The following HSPA12A variants were observed in gnomAD, a reference collection of about 807,000 sequenced individuals.
HSPA12A encodes heat shock protein family A (Hsp70) member 12A.
In HSPA12A, 28 loss-of-function variants were observed where a neutral mutation model predicts 69.2. The ratio of observed to expected loss-of-function variants is 0.40; its 90% CI spans 0.30 to 0.55. The LOEUF is 0.55. Among genes scored for constraint, HSPA12A ranks in the 20% least tolerant of loss-of-function variants. The pLI, the probability that HSPA12A is intolerant of heterozygous loss-of-function variation, is 0.38. For synonymous variants in HSPA12A, 345 were observed against 370.5 expected (o/e 0.93, Z 0.79); for missense variants, 686 against 900.7 (o/e 0.76, Z 3.05).
intron 2 of HSPA12A, among the ~76,000 whole-genome samples, chr10:116,752,189 G>A (rs991532632): frequency 6.6e-6 from 1 of 152,170 alleles, no homozygotes; most frequent in African/African-American, 2.4e-5. Context: ...GCTAGAAGGG[G>A]CAGAGCCAGG....
At chr10:116,679,368 A>T in intron 10 of HSPA12A, 135 bp downstream of exon 10, 1 of 995,774 alleles carries the variant, frequency 1.0e-6, no homozygotes, top group Non-Finnish European at 1.5e-6. Context: ...AGGGAAGAGA[A>T]GTTGAGTCCC....
chr10:116,689,323 G>A (rs1849667044), intron 6 of HSPA12A, among the ~76,000 whole-genome samples: 1 of 151,938 alleles, frequency 6.6e-6, no homozygotes, highest in South Asian at 2.1e-4. Context: ...CAGAGTAGAC[G>A]TGACCAGTTC....
At chr10:116,785,714 C>A (rs532162397) in intron 2 of HSPA12A, among the ~76,000 whole-genome samples, 1 of 152,270 alleles carries the variant, frequency 6.6e-6, no homozygotes, top group East Asian at 1.9e-4. Flanking sequence ...TATCCACCTG[C>A]CCTCTGAGCA....
chr10:116,672,013 A>G lies in HSPA12A; in HGVS notation c.*2768T>C, dbSNP rs1347038982. On this transcript the variant is annotated 3_prime_UTR_variant, in exon 12 of 12. Transcript: ENST00000369209. ...AAAATTATCATCCTCTCCATCACCTATCTGCCAACACTGCAGATTTCTATC... is the reference window on the plus strand; with the variant it reads ...AAAATTATCATCCTCTCCATCACCTGTCTGCCAACACTGCAGATTTCTATC... 1.3e-5 allele frequency: 2 copies of G among 152,240 alleles called. No homozygotes were observed. Among genetic ancestry groups the G allele is most frequent in the African/African-American group, 2.4e-5 (1 of 41,452 alleles). 9.4% of individuals were successfully genotyped at this position (152,240 alleles called of 1,614,324 possible).
chr10:116,704,147 A>G (rs1009093212), intron 3 of HSPA12A, among the ~76,000 whole-genome samples: 3 of 152,262 alleles, frequency 2.0e-5, no homozygotes, highest in African/African-American at 7.2e-5. Flanking sequence ...GCTGCTGTAA[A>G]GACACATGCA....
intron 1 of HSPA12A, among the ~76,000 whole-genome samples, chr10:116,836,978 T>C (rs901012401): frequency 1.9e-4 from 29 of 152,174 alleles, no homozygotes; most frequent in Non-Finnish European, 2.9e-5. Context: ...ACTATCTTTA[T>C]CTAGGAGGTA....
At chr10:116,780,065 C>T (rs551825506) in intron 2 of HSPA12A, among the ~76,000 whole-genome samples, 1 of 152,168 alleles carries the variant, frequency 6.6e-6, no homozygotes, top group Non-Finnish European at 1.5e-5. Flanking sequence ...GTCCTTCTCA[C>T]GCGAAGGGCA....
intron 4 of HSPA12A, among the ~76,000 whole-genome samples, chr10:116,699,310 T>A (rs1554881309): frequency 6.6e-6 from 1 of 152,034 alleles, no homozygotes; most frequent in African/African-American, 2.4e-5. Context: ...CCACCAAAAG[T>A]GAAAGCAGCT....
At position 116,675,018 on chromosome 10, in the gene HSPA12A, G is replaced by C. The variant is rs372142644; in HGVS notation, c.1791C>G (p.Val597=). The change falls in exon 12 of 12, where the codon GTC becomes GTG. Residue 597 remains valine, a synonymous_variant. Coordinates refer to ENST00000369209, the MANE Select transcript of HSPA12A (RefSeq NM_025015.3). This position sits in a 1 kb window ranked among gnomAD's most constrained non-coding sequence, Gnocchi z 5.2. ...SYTPAKPSQL[V]IVINIYSSEH... Reference sequence around the variant, plus strand: ...CAGAGCTGTAGATGTTGATGACAATGACCAGCTGGGAGGGCTTGGCCGGGG... The same window carrying C: ...CAGAGCTGTAGATGTTGATGACAATCACCAGCTGGGAGGGCTTGGCCGGGG... 1.2e-5 allele frequency: 19 copies of C among 1,614,052 alleles called. No individual in the cohort carries two copies. The highest frequency in any genetic ancestry group is 1.5e-5 in the Non-Finnish European group (18 of 1,180,042).
intron 2 of HSPA12A, 96 bp from the exon 3 acceptor site, chr10:116,705,374 C>T: frequency 7.3e-7 from 1 of 1,361,404 alleles, no homozygotes; most frequent in Non-Finnish European, 1.0e-6. Context: ...AGCTGTGAAC[C>T]CCCTGCAGAC....
At chr10:116,773,141 C>T (rs1262419067) in intron 2 of HSPA12A, among the ~76,000 whole-genome samples, 1 of 152,240 alleles carries the variant, frequency 6.6e-6, no homozygotes. Context: ...GCCCTCCTTC[C>T]TCCCACTCCT....
At chr10:116,767,596 T>A (rs1356926370) in intron 2 of HSPA12A, among the ~76,000 whole-genome samples, 2 of 152,202 alleles carry the variant, frequency 1.3e-5, no homozygotes, top group Admixed American at 1.3e-4. Context: ...AGTTTTTAAT[T>A]TGTCCACAGA....
chr10:116,849,996 C>G (rs560135910), upstream of HSPA12A: 4,010 of 631,324 alleles, frequency 6.4e-3, 23 homozygotes, highest in Middle Eastern at 9.5e-3. Flanking sequence ...AGCGGCAGCC[C>G]AGGGGCTGGC....
rs372746926 is a variant in HSPA12A at position 116,696,903 on chromosome 10, C to A, written c.546+1732G>T. Among the ~76,000 whole-genome samples, 134 of 152,188 alleles carry A rather than the reference C, an allele frequency of 8.8e-4. 2 individuals are homozygous for A. The highest frequency in any genetic ancestry group is 2.9e-3 in the African/African-American group (119 of 41,512). ...CACCCTTCCAGTTGCTGCCTGTGAA[C>A]CACACCCCACCCTGCCCCGAATCCA... On this transcript the variant is annotated intron_variant, in intron 5 of 11. Transcript: ENST00000369209.
intron 1 of HSPA12A, among the ~76,000 whole-genome samples, chr10:116,739,098 C>T (rs1851399900): frequency 6.6e-6 from 1 of 152,188 alleles, no homozygotes; most frequent in African/African-American, 2.4e-5. Flanking sequence ...CTATTAGCCG[C>T]AGGCCTACTC....
rs542661154 is a variant in HSPA12A, at chr10:116,835,017, C to T, written c.9G>A (p.Glu3=). The change falls in exon 2 of 13, where the codon GAG becomes GAA. Residue 3 remains glutamate (E), a synonymous_variant. Coordinates refer to the HSPA12A transcript ENST00000635765. ...CACAGAATCCGTACACGCCAACACT[C>T]TCCATCTGTAGGAGGGGGGAAAAGA... The T allele has an allele frequency of 5.7e-6, 7 of 1,231,052 alleles. No individual in the cohort carries two copies. In the South Asian group the frequency reaches 2.9e-4, roughly 51 times the overall value. The allele number at this position is 1,231,052 out of a possible 1,614,324, so 76.3% of individuals were successfully genotyped here.
At position 116,757,359 on chromosome 10, in the gene HSPA12A, C is replaced by G. The variant is rs115271743; in HGVS notation, c.92-50074G>C. On this transcript the variant is annotated intron_variant, in intron 2 of 12. Transcript: ENST00000635765. ...GGCTGACCCCTCCAGGTCCAAGTGA[C>G]AGGGCTGATGATCAAAATCCAGACA... Among the ~76,000 whole-genome samples the G allele has an allele frequency of 4.0e-3, 616 of 152,288 alleles. 1 individual carries two copies. Among genetic ancestry groups the G allele is most frequent in the African/African-American group, 0.014 (587 of 41,556 alleles).
intron 2 of HSPA12A, among the ~76,000 whole-genome samples, chr10:116,761,283 C>G (rs1017093924): frequency 6.6e-6 from 1 of 152,106 alleles, no homozygotes; most frequent in Non-Finnish European, 1.5e-5. Context: ...GTTAGGAGTT[C>G]GAGGCCAGAC....
intron 2 of HSPA12A, among the ~76,000 whole-genome samples, chr10:116,788,429 T>C (rs538836336): frequency 1.3e-5 from 2 of 152,226 alleles, no homozygotes; most frequent in Non-Finnish European, 2.9e-5. Flanking sequence ...CCCAACTAAC[T>C]CTTCTCCCAA....
Sources: gnomAD v4.1 joint callset for allele counts (sites outside exome capture counted in the v4.1 genomes callset) on GRCh38, gnomAD v4.1.1 for gene constraint, Gnocchi (gnomAD v3.1) non-coding constraint, MANE v1.5 for transcripts, NCBI Gene and HGNC (gene_info 2026-07-23, HGNC 2026-07-21) for gene names.